HS3ST3A1: variants seen among roughly 807,000 people sequenced by gnomAD.
HS3ST3A1 encodes the protein heparan sulfate-glucosamine 3-sulfotransferase 3A1, also known as heparan sulfate glucosamine 3-O-sulfotransferase 3A1.
In HS3ST3A1, 19 loss-of-function variants were observed where a neutral mutation model predicts 25.7. The ratio of observed to expected loss-of-function variants is 0.74; its 90% confidence interval spans 0.52 to 1.08. The LOEUF (loss-of-function observed/expected upper bound fraction) is 1.08, where lower values mean the gene tolerates loss of function less well. Ranked by LOEUF, HS3ST3A1 falls within the 50% of genes least tolerant of loss-of-function variation. The pLI, the probability that HS3ST3A1 is intolerant of heterozygous loss-of-function variation, is 0.00. For synonymous variants in HS3ST3A1, 226 were observed against 278.6 expected (o/e 0.81, Z 1.88); for missense variants, 459 against 594.3 (o/e 0.77, Z 2.37).
chr17:13,538,217 T>C (rs111486196), intron 1 of HS3ST3A1, among the ~76,000 whole-genome samples: 9 of 152,332 alleles, frequency 5.9e-5, no homozygotes, highest in Admixed American at 2.0e-4. Flanking sequence ...TGATATTGGA[T>C]ACTGGGATAA....
intron 1 of HS3ST3A1, among the ~76,000 whole-genome samples, chr17:13,509,849 C>A (rs1905805106): frequency 6.6e-6 from 1 of 152,182 alleles, no homozygotes; most frequent in African/African-American, 2.4e-5. Flanking sequence ...AAAAGCCAGG[C>A]TTAGATTCTG....
intron 1 of HS3ST3A1, among the ~76,000 whole-genome samples, chr17:13,591,858 C>A (rs987346005): frequency 1.7e-4 from 26 of 152,030 alleles, no homozygotes; most frequent in African/African-American, 6.3e-4. Flanking sequence ...TGCGATTTCA[C>A]CATGTTGGCC....
chr17:13,515,107 TA>T (rs1202551551), intron 1 of HS3ST3A1, among the ~76,000 whole-genome samples: 2 of 152,196 alleles, frequency 1.3e-5, no homozygotes, highest in African/African-American at 4.8e-5. Context: ...ATACATTCAA[TA>T]AAAAATGTTC....
chr17:13,529,279 A>G (rs903849856), intron 1 of HS3ST3A1, among the ~76,000 whole-genome samples: 1 of 152,182 alleles, frequency 6.6e-6, no homozygotes, highest in Non-Finnish European at 1.5e-5. Flanking sequence ...CTCTAGGCCC[A>G]TGTTTTGAGG....
At chr17:13,594,121 G>T (rs867748452) in intron 1 of HS3ST3A1, among the ~76,000 whole-genome samples, 1 of 152,160 alleles carries the variant, frequency 6.6e-6, no homozygotes, top group Non-Finnish European at 1.5e-5. Context: ...CTATACTGGG[G>T]TTACGGATTT....
intron 1 of HS3ST3A1, chr17:13,555,931 A>T (rs1907360536): frequency 6.6e-6 from 1 of 152,212 alleles, no homozygotes; most frequent in African/African-American, 2.4e-5. Context: ...CGAATTATGA[A>T]ATAAAAGATA....
rs139794403 is a variant in HS3ST3A1 at position 13,516,085 on chromosome 17, C to T, written c.600-19267G>A. ...CAGCAGTTTGGAAGGCCGAAGCGGG[C>T]GAATCACGAGGTCAGGAGTTTGAGA... On this transcript the variant is annotated intron_variant, in intron 1 of 1. Coordinates refer to ENST00000284110, the MANE Select transcript of HS3ST3A1 (RefSeq NM_006042.3). Among the ~76,000 whole-genome samples, 64 of 152,082 alleles carry T rather than the reference C, an allele frequency of 4.2e-4. No homozygotes were observed. In the East Asian group the frequency reaches 9.7e-3, roughly 23 times the overall value.
chr17:13,535,504 C>A (rs535359738), intron 1 of HS3ST3A1, among the ~76,000 whole-genome samples: 1 of 152,290 alleles, frequency 6.6e-6, no homozygotes, highest in East Asian at 1.9e-4. Flanking sequence ...CCTCAAGCAA[C>A]TCAAATTTTT....
intron 1 of HS3ST3A1, among the ~76,000 whole-genome samples, chr17:13,591,804 C>T (rs1391777198): frequency 2.0e-5 from 3 of 151,794 alleles, no homozygotes; most frequent in Admixed American, 1.3e-4. Flanking sequence ...GATTACAGGG[C>T]GTCCACGACC....
chr17:13,579,475 C>G (rs551302898), intron 1 of HS3ST3A1, among the ~76,000 whole-genome samples: 2 of 151,860 alleles, frequency 1.3e-5, no homozygotes, highest in Admixed American at 1.3e-4. Context: ...CCGAGGTGGG[C>G]AGATCACTTG....
intron 1 of HS3ST3A1, among the ~76,000 whole-genome samples, chr17:13,528,994 A>G (rs2142329293): frequency 6.6e-6 from 1 of 152,284 alleles, no homozygotes; most frequent in South Asian, 2.1e-4. Context: ...AACAGCTGTC[A>G]CAAACACTCT....
chr17:13,581,466 C>CAAAAAAAAAAA (rs71144975), intron 1 of HS3ST3A1, among the ~76,000 whole-genome samples: 1 of 122,004 alleles, frequency 8.2e-6, no homozygotes, highest in Non-Finnish European at 1.7e-5. Context: ...GACTCTATCT[C>CAAAAAAAAAAA]AAAAAAAAAA....
chr17:13,524,378 C>T (rs1906343144), intron 1 of HS3ST3A1, among the ~76,000 whole-genome samples: 1 of 152,096 alleles, frequency 6.6e-6, no homozygotes, highest in Admixed American at 6.5e-5. Context: ...CTGAGTCAGC[C>T]TCCTGAGTAG....
intron 1 of HS3ST3A1, chr17:13,543,391 G>A (rs958542614): frequency 6.4e-6 from 1 of 155,166 alleles, no homozygotes; most frequent in Non-Finnish European, 1.5e-5. Flanking sequence ...GTTATATCGA[G>A]AGATGTGTGG....
chr17:13,549,871 C>CTGAGGAACCT (rs1328172410), intron 1 of HS3ST3A1, among the ~76,000 whole-genome samples: 1 of 152,148 alleles, frequency 6.6e-6, no homozygotes, highest in African/African-American at 2.4e-5. Flanking sequence ...TTATTGTACC[C>CTGAGGAACCT]TGAGGAACCT....
intron 1 of HS3ST3A1, among the ~76,000 whole-genome samples, chr17:13,562,432 G>C (rs534286790): frequency 3.3e-5 from 5 of 152,086 alleles, no homozygotes; most frequent in African/African-American, 1.2e-4. Flanking sequence ...CGGGTGGGGG[G>C]GAAAGTAACC....
intron 1 of HS3ST3A1, among the ~76,000 whole-genome samples, chr17:13,547,321 T>C (rs1907117889): frequency 6.6e-6 from 1 of 152,044 alleles, no homozygotes; most frequent in Admixed American, 6.6e-5. Context: ...TGACTGATGG[T>C]TGGGGGGCCC....
intron 1 of HS3ST3A1, among the ~76,000 whole-genome samples, chr17:13,558,658 A>C (rs1242049346): frequency 6.6e-6 from 1 of 152,226 alleles, no homozygotes; most frequent in African/African-American, 2.4e-5. Flanking sequence ...GTCTGAAACA[A>C]ACAAACATGG....
intron 1 of HS3ST3A1, among the ~76,000 whole-genome samples, chr17:13,596,769 C>A (rs1908589749): frequency 2.0e-5 from 3 of 152,114 alleles, no homozygotes; most frequent in Non-Finnish European, 4.4e-5. Flanking sequence ...ATTTCAAACT[C>A]TTCACACAGA....
Sources: allele counts gnomAD v4.1 joint callset (sites outside exome capture counted in the v4.1 genomes callset), GRCh38; gene constraint gnomAD v4.1.1; transcripts MANE v1.5; gene names NCBI Gene and HGNC (gene_info 2026-07-23, HGNC 2026-07-21).